Variants in BBX observed in about 807,000 individuals in gnomAD.
BBX encodes HMG box transcription factor BBX.
In BBX, 30 loss-of-function variants were observed where a neutral mutation model predicts 100.2. The observed-to-expected ratio is 0.30, with a 90% confidence interval of 0.22 to 0.41. The LOEUF (loss-of-function observed/expected upper bound fraction) is 0.41. BBX is among the 10% of genes least tolerant of loss of function. The pLI is 1.00. For missense variants in BBX, 1,023 were observed against 1,129.8 expected (o/e 0.91, Z 1.35); for synonymous variants, 376 against 388.1 (o/e 0.97, Z 0.37).
chr3:107,763,054 T>C (rs975226885), intron 10 of BBX, among the ~76,000 whole-genome samples: 2 of 152,204 alleles, frequency 1.3e-5, no homozygotes, highest in Non-Finnish European at 2.9e-5. Context: ...AAATGAATTT[T>C]GTGTTCAGAC....
At position 107,704,684 on chromosome 3, in the gene BBX, G is replaced by A. The variant is rs147181260; in HGVS notation, c.-9-5768G>A. Among the ~76,000 whole-genome samples the A allele has an allele frequency of 1.8e-4, 28 of 152,260 alleles. No homozygotes were observed. In the East Asian group the frequency reaches 3.9e-3, roughly 21 times the overall value. On this transcript the variant is annotated intron_variant, in intron 3 of 17. Coordinates refer to ENST00000325805, the MANE Select transcript of BBX (RefSeq NM_001142568.3). ...ACAATCACAACATTAATCCAGTCAC[G>A]AGGGCAGATCCCCCATGACTGCATT... is the stretch of plus-strand genomic sequence containing the variant.
chr3:107,526,225 TGG>T (rs1392278519), intron 1 of BBX, 100 bp from the exon 2 acceptor site: 12 of 397,792 alleles, frequency 3.0e-5, no homozygotes, highest in Admixed American at 8.8e-5. Flanking sequence ...GCTGGACTCC[TGG>T]GTTTTGGTAC....
At chr3:107,579,820 A>G (rs1576374611) in intron 2 of BBX, among the ~76,000 whole-genome samples, 1 of 152,144 alleles carries the variant, frequency 6.6e-6, no homozygotes, top group Non-Finnish European at 1.5e-5. Context: ...TCTTCATTCT[A>G]TTATTTGTGT....
rs35906921 is a variant in BBX at position 107,716,623 on chromosome 3, C to T, written c.179C>T (p.Ala60Val). 398 of 1,613,532 alleles carry T rather than the reference C, an allele frequency of 2.5e-4. No individual in the cohort carries two copies. In the African/African-American group the frequency reaches 4.9e-3, roughly 20 times the overall value. Residue 60 changes from alanine to valine, a missense_variant, in exon 5 of 18, where the codon GCC becomes GTC. Ala to Val is a moderately conservative substitution (Grantham distance 64, BLOSUM62 0). This residue lies in a region of BBX where 229 missense variants were observed against 226.3 expected (regional missense o/e 1.01). Transcript: ENST00000325805. ...EDIDKVQLLG[A>V]DGLEQDVGET... is the part of the protein sequence containing the mutation. ...TGGTAATAGGTTCAACTTCTTGGGGCCGATGGCCTAGAGCAAGATGTTGGT... is the reference window on the plus strand; with the variant it reads ...TGGTAATAGGTTCAACTTCTTGGGGTCGATGGCCTAGAGCAAGATGTTGGT...
chr3:107,652,177 T>C (rs758765488), intron 3 of BBX, among the ~76,000 whole-genome samples: 1 of 96,836 alleles, frequency 1.0e-5, no homozygotes, highest in Non-Finnish European at 2.1e-5. Flanking sequence ...GATATTGATA[T>C]AGGCTCAAAT....
Position 107,567,710 on chromosome 3 carries a change from C to G in BBX, c.-84+41312C>G, listed in dbSNP as rs116788663. Among the ~76,000 whole-genome samples the G allele has an allele frequency of 5.6e-3, 856 of 152,230 alleles. 11 individuals carry two copies. Among genetic ancestry groups the G allele is most frequent in the African/African-American group, 0.02 (828 of 41,528 alleles). On this transcript the variant is annotated intron_variant, in intron 2 of 17. Transcript: ENST00000325805. Reference sequence around the variant, plus strand: ...TAGTCTGAACGTAACTCTGAATAGCCTGTTTATGTTTATTTTGACTTAAAC... The same window carrying G: ...TAGTCTGAACGTAACTCTGAATAGCGTGTTTATGTTTATTTTGACTTAAAC...
At chr3:107,733,216 T>C (rs953685859) in intron 7 of BBX, among the ~76,000 whole-genome samples, 193 bp downstream of exon 7, 5 of 152,142 alleles carry the variant, frequency 3.3e-5, no homozygotes, top group African/African-American at 1.2e-4. Context: ...AATAAGGCCA[T>C]GAGGATGTAA....
intron 2 of BBX, among the ~76,000 whole-genome samples, chr3:107,594,797 GAAAA>G (rs938332723): frequency 6.7e-6 from 1 of 149,636 alleles, no homozygotes; most frequent in African/African-American, 2.4e-5. Flanking sequence ...CTTGCCTGAA[GAAAA>G]AAAAAATTTG....
At chr3:107,757,332 A>T (rs999813196) in intron 10 of BBX, among the ~76,000 whole-genome samples, 2 of 152,134 alleles carry the variant, frequency 1.3e-5, no homozygotes, top group African/African-American at 4.8e-5. Context: ...ATCAGAGCTC[A>T]TTAAAAAGAA....
intron 9 of BBX, among the ~76,000 whole-genome samples, chr3:107,751,476 T>A (rs2065073075): frequency 1.3e-5 from 2 of 152,218 alleles, no homozygotes; most frequent in African/African-American, 4.8e-5. Context: ...CTTAGAAACA[T>A]ACTTTTAACA....
chr3:107,663,650 C>G (rs1379946142), intron 3 of BBX, among the ~76,000 whole-genome samples: 1 of 152,048 alleles, frequency 6.6e-6, no homozygotes, highest in Non-Finnish European at 1.5e-5. Flanking sequence ...TCTGCAACAA[C>G]TATTTTTCCT....
chr3:107,687,647 T>A (rs2059925997), intron 3 of BBX, among the ~76,000 whole-genome samples: 1 of 152,196 alleles, frequency 6.6e-6, no homozygotes, highest in Non-Finnish European at 1.5e-5. Context: ...TTTCCTTTTG[T>A]GAGGTGAAAG....
At chr3:107,801,406 T>G in intron 17 of BBX, 125 bp downstream of exon 17, 1 of 994,552 alleles carries the variant, frequency 1.0e-6, no homozygotes. Flanking sequence ...ATTGGTTATA[T>G]GAGGTATTAC....
intron 3 of BBX, among the ~76,000 whole-genome samples, chr3:107,687,081 G>A (rs943162298): frequency 1.3e-5 from 2 of 152,154 alleles, no homozygotes; most frequent in African/African-American, 4.8e-5. Flanking sequence ...TTATTAAAAT[G>A]TTGGAGAAGT....
intron 2 of BBX, among the ~76,000 whole-genome samples, chr3:107,609,608 T>G (rs751113281): frequency 6.6e-6 from 1 of 152,116 alleles, no homozygotes; most frequent in Non-Finnish European, 1.5e-5. Context: ...ATTGGTAAGT[T>G]GTATGTGTCT....
rs180834522 is a variant in BBX at position 107,549,966 on chromosome 3, T to C, written c.-84+23568T>C. ...CCAGGACAAGGGAGAAGAGCTAATA[T>C]TAATTTTTCAAAAATTCTTATGGGA... On this transcript the variant is annotated intron_variant, in intron 2 of 17. Coordinates refer to ENST00000325805, the MANE Select transcript of BBX (RefSeq NM_001142568.3). 2.2e-4 allele frequency among the ~76,000 whole-genome samples: 34 copies of C among 152,164 alleles called. No individual in the cohort carries two copies. The East Asian group carries it at 2.5e-3, about 11-fold the overall frequency.
chr3:107,758,532 C>T (rs977117515), intron 10 of BBX, among the ~76,000 whole-genome samples: 1 of 152,072 alleles, frequency 6.6e-6, no homozygotes, highest in African/African-American at 2.4e-5. Flanking sequence ...TGCTCGGGAC[C>T]TCTGAGGTGT....
chr3:107,802,883 C>G (rs1443203599), intron 17 of BBX, among the ~76,000 whole-genome samples: 1 of 152,222 alleles, frequency 6.6e-6, no homozygotes. Flanking sequence ...TCCTTCTCCC[C>G]ACCCTAGTCC....
chr3:107,625,910 G>A lies in BBX; in HGVS notation c.-83-19926G>A, dbSNP rs115293896. Among the ~76,000 whole-genome samples the A allele has an allele frequency of 5.3e-3, 802 of 152,052 alleles. 3 individuals carry two copies. The highest frequency in any genetic ancestry group is 8.4e-3 in the Non-Finnish European group (569 of 67,964). Reference sequence around the variant, plus strand: ...TTATTTAAATTGACAAATAATAATCGTATTTTTTCATGGGGTACATAGTGA... The same window carrying A: ...TTATTTAAATTGACAAATAATAATCATATTTTTTCATGGGGTACATAGTGA... On this transcript the variant is annotated intron_variant, in intron 2 of 17. Transcript: ENST00000325805.
Sources: gnomAD v4.1 joint callset for allele counts (sites outside exome capture counted in the v4.1 genomes callset) on GRCh38, gnomAD v4.1.1 for gene constraint, gnomAD v4.1.1 regional missense constraint, MANE v1.5 for transcripts, NCBI Gene and HGNC (gene_info 2026-07-23, HGNC 2026-07-21) for gene names.